Variants in OPRM1 observed in about 807,000 individuals in gnomAD.
OPRM1 encodes the protein opioid receptor mu 1, also known as mu-type opioid receptor.
In OPRM1, 27 loss-of-function variants were observed where a neutral mutation model predicts 31.8. The observed-to-expected ratio is 0.85, with a 90% CI of 0.63 to 1.17. The LOEUF (loss-of-function observed/expected upper bound fraction) is 1.17. Among genes scored for constraint, OPRM1 ranks in the 50% most tolerant of loss-of-function variants. OPRM1 has a pLI of 0.00. For missense variants in OPRM1, 536 were observed against 511.1 expected, an observed-to-expected ratio of 1.05 and a Z score of -0.47; for synonymous variants, 196 against 189.9, an observed-to-expected ratio of 1.03 and a Z score of -0.26.
chr6:154,177,849 T>C (rs1462801969), intron 3 of OPRM1, among the ~76,000 whole-genome samples: 3 of 152,200 alleles, frequency 2.0e-5, no homozygotes, highest in Non-Finnish European at 4.4e-5. Flanking sequence ...CATATGTTTA[T>C]TGTGGCACTA....
At position 154,091,412 on chromosome 6, in the gene OPRM1, T is replaced by C. The variant is rs1230689633; in HGVS notation, c.1104T>C (p.Ile368=). The C allele has an allele frequency of 6.2e-7, 1 of 1,613,886 alleles. No individual in the cohort carries two copies. Among genetic ancestry groups the C allele is most frequent in the Non-Finnish European group, 8.5e-7 (1 of 1,180,026 alleles). Residue 368 remains isoleucine (I), a synonymous_variant, in exon 3 of 4, where the codon ATT becomes ATC. Coordinates refer to ENST00000330432, the MANE Select transcript of OPRM1 (RefSeq NM_000914.5). Reference sequence around the variant, plus strand: ...TTGAGCAACAAAACTCCACTCGAATTCGTCAGAACACTAGAGACCACCCCT... The same window carrying C: ...TTGAGCAACAAAACTCCACTCGAATCCGTCAGAACACTAGAGACCACCCCT... ...SNIEQQNSTR[I]RQNTRDHPST...
rs1799089769 is a variant in OPRM1 at position 154,162,288 on chromosome 6, T to C, written c.1164+70816T>C. On this transcript the variant is annotated intron_variant, in intron 3 of 3. Coordinates refer to the OPRM1 transcript ENST00000337049. ...CACATGTTTGCTGTTATTTCTTGCATGTTAAAATTCCTCTCTGCCCCCAAA... is the reference window on the plus strand; with the variant it reads ...CACATGTTTGCTGTTATTTCTTGCACGTTAAAATTCCTCTCTGCCCCCAAA... 2.0e-5 allele frequency among the ~76,000 whole-genome samples: 3 copies of C among 152,312 alleles called. No individual in the cohort carries two copies. The South Asian group carries it at 6.2e-4, about 32-fold the overall frequency.
intron 3 of OPRM1, chr6:154,167,981 C>T (rs774600726): frequency 4.3e-6 from 7 of 1,610,212 alleles, no homozygotes; most frequent in Non-Finnish European, 5.1e-6. Flanking sequence ...TGGATTTTTA[C>T]ACCGCTTAAC....
At chr6:154,219,149 A>C (rs1311658818) in intron 3 of OPRM1, 1 of 152,260 alleles carries the variant, frequency 6.6e-6, no homozygotes, top group Non-Finnish European at 1.5e-5. Context: ...TGGGATTTAC[A>C]GAGCAAACGT....
At chr6:154,158,643 T>C (rs1798809561) in intron 3 of OPRM1, 1 of 152,218 alleles carries the variant, frequency 6.6e-6, no homozygotes, top group Non-Finnish European at 1.5e-5. Context: ...CAAGATTTCC[T>C]GAGCATTCCT....
At position 154,209,788 on chromosome 6, in the gene OPRM1, T is replaced by C. The variant is rs574463498; in HGVS notation, c.1165-36905T>C. Among the ~76,000 whole-genome samples the C allele has an allele frequency of 4.6e-5, 7 of 152,286 alleles. No individual in the cohort carries two copies. In the East Asian group the frequency reaches 1.2e-3, roughly 25 times the overall value. ...AAAAACAAAATCTGTCTGGGAAATA[T>C]GTGATCAGGAGGAACACATTCTGTT... On this transcript the variant is annotated intron_variant, in intron 3 of 3. Transcript: ENST00000337049.
At chr6:154,219,407 T>G (rs994385754) in intron 3 of OPRM1, among the ~76,000 whole-genome samples, 1 of 152,032 alleles carries the variant, frequency 6.6e-6, no homozygotes, top group Non-Finnish European at 1.5e-5. Flanking sequence ...CAAGGCACTT[T>G]TAAAGAAAAG....
intron 3 of OPRM1, among the ~76,000 whole-genome samples, chr6:154,200,629 G>C (rs926351379): frequency 1.3e-5 from 2 of 152,092 alleles, no homozygotes; most frequent in African/African-American, 4.8e-5. Context: ...ACTGAGGCAG[G>C]AGAATCACTT....
At chr6:154,224,727 CAA>C (rs976408216) in intron 3 of OPRM1, among the ~76,000 whole-genome samples, 2 of 151,312 alleles carry the variant, frequency 1.3e-5, no homozygotes, top group African/African-American at 4.9e-5. Flanking sequence ...AACAAACAAA[CAA>C]AAAAAAGAGA....
intron 3 of OPRM1, chr6:154,108,136 C>T (rs769086134): frequency 8.7e-6 from 5 of 572,496 alleles, no homozygotes; most frequent in South Asian, 2.6e-5. Flanking sequence ...CCATCGCCTA[C>T]GGGCCAAGCT....
At chr6:154,232,250 A>G (rs934151261) in intron 3 of OPRM1, among the ~76,000 whole-genome samples, 2 of 152,238 alleles carry the variant, frequency 1.3e-5, no homozygotes, top group Admixed American at 6.5e-5. Flanking sequence ...TGTGACAAGC[A>G]CTGCACCAAA....
chr6:154,070,062 C>T (rs1040199556), intron 1 of OPRM1, among the ~76,000 whole-genome samples: 3 of 152,156 alleles, frequency 2.0e-5, no homozygotes, highest in Non-Finnish European at 2.9e-5. Flanking sequence ...GGGGGTACAA[C>T]AATGACTATC....
intron 1 of OPRM1, among the ~76,000 whole-genome samples, chr6:154,071,222 A>G (rs1450918291): frequency 6.6e-6 from 1 of 152,212 alleles, no homozygotes; most frequent in Admixed American, 6.5e-5. Flanking sequence ...TGCTGAAGGA[A>G]GGAAGCAGCT....
chr6:154,101,960 G>T (rs1260421324), intron 3 of OPRM1, among the ~76,000 whole-genome samples: 1 of 152,070 alleles, frequency 6.6e-6, no homozygotes, highest in Non-Finnish European at 1.5e-5. Context: ...TTTTTTTGGA[G>T]ACAGGATTTA....
intron 3 of OPRM1, among the ~76,000 whole-genome samples, chr6:154,163,911 G>GA (rs1799222164): frequency 6.6e-6 from 1 of 152,242 alleles, no homozygotes; most frequent in East Asian, 1.9e-4. Flanking sequence ...CCAAAATGGA[G>GA]AAAAAACAGT....
chr6:154,218,065 G>A (rs1036873652), intron 3 of OPRM1, among the ~76,000 whole-genome samples: 2 of 152,322 alleles, frequency 1.3e-5, no homozygotes, highest in African/African-American at 4.8e-5. Context: ...CACTGGCTTA[G>A]AGTACCTTCT....
intron 3 of OPRM1, among the ~76,000 whole-genome samples, chr6:154,164,507 C>T (rs573675865): frequency 2.0e-5 from 3 of 152,326 alleles, no homozygotes; most frequent in East Asian, 1.9e-4. Context: ...TCCTGGATGG[C>T]GCATGAGGCT....
chr6:154,041,148 G>A (rs1583182522), intron 1 of OPRM1, among the ~76,000 whole-genome samples: 1 of 152,072 alleles, frequency 6.6e-6, no homozygotes, highest in Non-Finnish European at 1.5e-5. Flanking sequence ...TTGCTTATAA[G>A]CAATTCTTTC....
intron 1 of OPRM1, among the ~76,000 whole-genome samples, chr6:154,062,529 A>T (rs1784618495): frequency 6.6e-6 from 1 of 152,050 alleles, no homozygotes; most frequent in South Asian, 2.1e-4. Flanking sequence ...AGTTTTCCAC[A>T]GGGAAAGGAA....
Sources: allele counts gnomAD v4.1 joint callset (sites outside exome capture counted in the v4.1 genomes callset), GRCh38; gene constraint gnomAD v4.1.1; transcripts MANE v1.5; gene names NCBI Gene and HGNC (gene_info 2026-07-23, HGNC 2026-07-21).